The following GARNL3 variants were observed in gnomAD, a reference collection of about 807,000 sequenced individuals.
The protein encoded by GARNL3 is GTPase activating Rap/RanGAP domain like 3, also known as GTPase-activating Rap/Ran-GAP domain-like protein 3.
A neutral mutation model predicts 125.0 loss-of-function variants in GARNL3; 63 were observed. That is an observed-to-expected ratio of 0.50 (90% CI 0.41 to 0.62). The LOEUF (loss-of-function observed/expected upper bound fraction) is 0.62, where lower values mean the gene tolerates loss of function less well. Among genes scored for constraint, GARNL3 ranks in the 20% least tolerant of loss-of-function variants. The pLI is 0.00. For missense variants in GARNL3, 994 were observed against 1,244.0 expected (o/e 0.80, Z 3.02); for synonymous variants, 439 against 457.5 (o/e 0.96, Z 0.52).
chr9:127,247,806 A>C (rs2063329150), intron 2 of GARNL3, among the ~76,000 whole-genome samples: 1 of 152,180 alleles, frequency 6.6e-6, no homozygotes, highest in South Asian at 2.1e-4. Context: ...TAGTTATTTA[A>C]AAATGTACAA....
intron 1 of GARNL3, among the ~76,000 whole-genome samples, chr9:127,227,641 G>C (rs2062936982): frequency 6.6e-6 from 1 of 151,392 alleles, no homozygotes; most frequent in Admixed American, 6.6e-5. Flanking sequence ...ATTTGTGGCT[G>C]GGCATCGCGG....
chr9:127,263,888 G>C, upstream of GARNL3: 1 of 1,409,758 alleles, frequency 7.1e-7, no homozygotes, highest in South Asian at 1.6e-5. Flanking sequence ...ACAGTGTCCT[G>C]GCAGAGAGTC....
At position 127,391,013 on chromosome 9, in the gene GARNL3, A is replaced by G. The variant is rs1434295407; in HGVS notation, c.2870+246A>G. 3.9e-5 allele frequency among the ~76,000 whole-genome samples: 6 copies of G among 152,344 alleles called. No individual in the cohort carries two copies. The East Asian group carries it at 1.2e-3, about 29-fold the overall frequency. ...AATCTATTGAGACCTGGCCAGGCAC[A>G]GTGGCTCATGCCTTTAATCCCAGCA... On this transcript the variant is annotated intron_variant, in intron 27 of 27. Coordinates refer to ENST00000373387, the MANE Select transcript of GARNL3 (RefSeq NM_032293.5).
intron 25 of GARNL3, chr9:127,388,657 T>C (rs958703515): frequency 4.9e-5 from 26 of 526,084 alleles, no homozygotes; most frequent in African/African-American, 4.4e-4. Flanking sequence ...TCTTGTCTAG[T>C]CTTTTTTCCT....
At chr9:127,329,479 A>AC (rs1196121648) in intron 7 of GARNL3, among the ~76,000 whole-genome samples, 2 of 152,126 alleles carry the variant, frequency 1.3e-5, no homozygotes, top group Non-Finnish European at 2.9e-5. Flanking sequence ...CTCTTGTCTG[A>AC]CCCTAATAAC....
In GARNL3 at chr9:127,382,387, CAA is replaced by C. The variant is rs1832312048; in HGVS notation, c.2162-1050_2162-1049del. Among the ~76,000 whole-genome samples, 2 of 151,794 alleles carry C rather than the reference CAA, an allele frequency of 1.3e-5. 1 individual carries two copies. The highest frequency in any genetic ancestry group is 1.3e-4 in the Admixed American group (2 of 15,218). On this transcript the variant is annotated intron_variant, in intron 22 of 27. Coordinates refer to ENST00000373387, the MANE Select transcript of GARNL3 (RefSeq NM_032293.5). ...AACATGATGGTTTGGGAGGCTGAGA[CAA>C]GAGGATTGCTTGAGCTCAGGAGTTG... is the stretch of plus-strand genomic sequence containing the variant.
chr9:127,342,708 AG>A (rs1351481972), intron 14 of GARNL3, among the ~76,000 whole-genome samples: 1 of 151,988 alleles, frequency 6.6e-6, no homozygotes, highest in African/African-American at 2.4e-5. Flanking sequence ...GGGCAGGCAA[AG>A]GTGGGATTTT....
At chr9:127,330,571 A>G (rs1334679378) in intron 7 of GARNL3, among the ~76,000 whole-genome samples, 2 of 152,256 alleles carry the variant, frequency 1.3e-5, no homozygotes, top group Non-Finnish European at 2.9e-5. Context: ...TCTCCTGCAC[A>G]GGACTCAGGT....
intron 7 of GARNL3, 34 bp downstream of exon 7, chr9:127,325,129 C>T (rs1478361551): frequency 1.3e-6 from 2 of 1,594,564 alleles, no homozygotes; most frequent in Non-Finnish European, 1.7e-6. Context: ...TGCACCTGCT[C>T]TGCCTCCATG....
At chr9:127,309,208 A>G (rs1026677279) in intron 2 of GARNL3, among the ~76,000 whole-genome samples, 4 of 152,224 alleles carry the variant, frequency 2.6e-5, no homozygotes, top group African/African-American at 4.8e-5. Flanking sequence ...AGAAAAAAGA[A>G]GAAACCTCTG....
At chr9:127,346,917 A>T (rs1827449991) in intron 16 of GARNL3, among the ~76,000 whole-genome samples, 1 of 152,182 alleles carries the variant, frequency 6.6e-6, no homozygotes, top group African/African-American at 2.4e-5. Context: ...TGGAGACCAC[A>T]TTCTCACCTG....
chr9:127,338,278 G>T (rs1829664182), intron 12 of GARNL3, 117 bp downstream of exon 12: 1 of 828,826 alleles, frequency 1.2e-6, no homozygotes, highest in African/African-American at 1.7e-5. Flanking sequence ...ATGAGTGCCT[G>T]CACCTTACAA....
chr9:127,332,798 A>G (rs919777272), intron 8 of GARNL3, among the ~76,000 whole-genome samples: 2 of 152,230 alleles, frequency 1.3e-5, no homozygotes, highest in East Asian at 3.8e-4. Context: ...GGCTGGCAGT[A>G]GTAAGCTGGG....
chr9:127,295,347 T>G (rs1363896735), intron 2 of GARNL3, among the ~76,000 whole-genome samples: 1 of 152,222 alleles, frequency 6.6e-6, no homozygotes, highest in Non-Finnish European at 1.5e-5. Context: ...CCCTTCCCAA[T>G]GCATGAGTTC....
At position 127,393,348 on chromosome 9, in the gene GARNL3, T is replaced by G; in HGVS notation, c.*94T>G. On this transcript the variant is annotated 3_prime_UTR_variant, in exon 28 of 28. Transcript: ENST00000373387. ...GTAATTTCTCAACAAAATGTGGCTT[T>G]TAGCCTGTCAGTGATCTATTGGACC... is the stretch of plus-strand genomic sequence containing the variant. 1 of 1,232,476 alleles carries G rather than the reference T, an allele frequency of 8.1e-7. No individual in the cohort carries two copies. The allele number at this position is 1,232,476 out of a possible 1,614,324, so 76.3% of individuals were successfully genotyped here.
chr9:127,252,438 T>C (rs1367690542), intron 2 of GARNL3, among the ~76,000 whole-genome samples: 2 of 152,216 alleles, frequency 1.3e-5, no homozygotes, highest in African/African-American at 4.8e-5. Context: ...GACACCACAA[T>C]AAGTGCTTCA....
At chr9:127,286,071 T>C (rs1044376995) in intron 1 of GARNL3, among the ~76,000 whole-genome samples, 1 of 152,190 alleles carries the variant, frequency 6.6e-6, no homozygotes, top group Non-Finnish European at 1.5e-5. Flanking sequence ...CAGATCTGGA[T>C]TGATCAGATT....
At chr9:127,378,198 C>T (rs1360138257) in intron 22 of GARNL3, among the ~76,000 whole-genome samples, 2 of 149,348 alleles carry the variant, frequency 1.3e-5, no homozygotes, top group African/African-American at 5.0e-5. Flanking sequence ...CCAAGATTCT[C>T]GTGCCACTGC....
intron 21 of GARNL3, among the ~76,000 whole-genome samples, chr9:127,361,066 C>T (rs927459156): frequency 3.3e-5 from 5 of 152,184 alleles, no homozygotes; most frequent in African/African-American, 4.8e-5. Context: ...CTCATCTTGA[C>T]GTCTGCCCAG....
Sources: allele counts gnomAD v4.1 joint callset (sites outside exome capture counted in the v4.1 genomes callset), GRCh38; gene constraint gnomAD v4.1.1; transcripts MANE v1.5; gene names NCBI Gene and HGNC (gene_info 2026-07-23, HGNC 2026-07-21).